MTSS2: variants seen among roughly 807,000 people sequenced by gnomAD.
MTSS2 encodes protein MTSS 2.
Under a neutral mutation model 67.1 loss-of-function variants are expected in MTSS2, and 27 were observed. That is an observed-to-expected ratio of 0.40 (90% CI 0.30 to 0.55). MTSS2 has a LOEUF of 0.55. Among genes scored for constraint, MTSS2 ranks in the 20% least tolerant of loss-of-function variants. MTSS2 has a pLI of 0.43. For synonymous variants in MTSS2, 624 were observed against 468.6 expected (o/e 1.33, Z -4.28); for missense variants, 1,171 against 1,067.8 (o/e 1.10, Z -1.35).
At chr16:70,672,604 C>CAA (rs2052977794) in intron 11 of MTSS2, among the ~76,000 whole-genome samples, 1 of 136,378 alleles carries the variant, frequency 7.3e-6, no homozygotes, top group Non-Finnish European at 1.6e-5. Context: ...AACTTTTCTA[C>CAA]AAGTCTAAAA....
intron 11 of MTSS2, among the ~76,000 whole-genome samples, chr16:70,672,339 T>G (rs1275762287): frequency 2.3e-5 from 1 of 42,676 alleles, no homozygotes; most frequent in Non-Finnish European, 5.5e-5. Flanking sequence ...AAGAGCAAAA[T>G]TCAAAAAAAA....
At position 70,664,113 on chromosome 16, in the gene MTSS2, C is replaced by T. The variant is rs1298210304; in HGVS notation, c.1808G>A (p.Gly603Asp). 5 of 1,611,708 alleles carry T rather than the reference C, an allele frequency of 3.1e-6. No homozygotes were observed. The highest frequency in any genetic ancestry group is 4.2e-6 in the Non-Finnish European group (5 of 1,179,704). ...GCCCGCCCGTGTGGGCCCCATGTAGCCGGGGGAGTCAGGCACCGTGGGCGT... is the reference window on the plus strand; with the variant it reads ...GCCCGCCCGTGTGGGCCCCATGTAGTCGGGGGAGTCAGGCACCGTGGGCGT... The part of the protein sequence containing the change: ...VKTPTVPDSP[G>D]YMGPTRAGSE... Residue 603 changes from glycine (G) to aspartate (D), a missense_variant, in exon 15 of 15, where the codon GGC becomes GAC. Gly to Asp is a moderately conservative substitution (Grantham distance 94). Around this residue, in one of 2 missense-constraint regions of MTSS2, gnomAD observed 924 missense variants for 756.0 expected, o/e 1.22. Transcript: ENST00000338779.
chr16:70,672,596 CT>C (rs1254162540), intron 11 of MTSS2, among the ~76,000 whole-genome samples: 1 of 147,730 alleles, frequency 6.8e-6, no homozygotes, highest in African/African-American at 2.5e-5. Context: ...TATTTTACAA[CT>C]TTTCTACAAG....
At position 70,661,626 on chromosome 16, in the gene MTSS2, TCGACG is replaced by T. The variant is rs1297228235; in HGVS notation, c.*2046_*2050del. ...GTGGGCCTATGAGGTGGTTGCTAAG[TCGACG>T]CAAGGGCGGCGGGGGTGGTCTCAGG... On this transcript the variant is annotated 3_prime_UTR_variant, in exon 15 of 15. Transcript: ENST00000338779. 2.9e-6 allele frequency: 1 copy of T among 339,982 alleles called. No homozygotes were observed. The allele number at this position is 339,982 out of a possible 1,614,324, so 21.1% of individuals were successfully genotyped here.
At chr16:70,684,737 G>A (rs1020508574) in intron 1 of MTSS2, among the ~76,000 whole-genome samples, 1 of 152,208 alleles carries the variant, frequency 6.6e-6, no homozygotes, top group African/African-American at 2.4e-5. Flanking sequence ...AAGGGGGCAC[G>A]GCAGGAGGGC....
chr16:70,668,948 A>T (rs907976386), intron 11 of MTSS2, among the ~76,000 whole-genome samples: 1 of 151,944 alleles, frequency 6.6e-6, no homozygotes, highest in Non-Finnish European at 1.5e-5. Flanking sequence ...TTTTTTTTCA[A>T]TACACTGTTC....
chr16:70,679,424 G>A lies in MTSS2; in HGVS notation c.458-101C>T. The A allele has an allele frequency of 2.7e-6, 4 of 1,458,558 alleles. No individual in the cohort carries two copies. In the Admixed American group the frequency reaches 7.0e-5, roughly 26 times the overall value. The allele number at this position is 1,458,558 out of a possible 1,614,324, so 90.4% of individuals were successfully genotyped here. A position where few individuals can be genotyped will look rare whatever the true frequency, so the allele number is the denominator to read the frequency against. On this transcript the variant is annotated intron_variant, in intron 6 of 14. Coordinates refer to ENST00000338779, the MANE Select transcript of MTSS2 (RefSeq NM_138383.3). ...GCCACTCCTGGGGCGGGGGTGCCTGGGCCTCCTGCTGCCTCCCATAGGGAG... is the reference window on the plus strand; with the variant it reads ...GCCACTCCTGGGGCGGGGGTGCCTGAGCCTCCTGCTGCCTCCCATAGGGAG...
intron 2 of MTSS2, 41 bp from the exon 3 acceptor site, chr16:70,680,908 C>CGGGGGTGGGGGG: frequency 8.5e-7 from 1 of 1,174,312 alleles, no homozygotes. Flanking sequence ...GGTGGTTGGG[C>CGGGGGTGGGGGG]GGGGGGGGGG....
At chr16:70,684,856 C>G (rs548047924) in intron 1 of MTSS2, among the ~76,000 whole-genome samples, 1 of 152,296 alleles carries the variant, frequency 6.6e-6, no homozygotes, top group South Asian at 2.1e-4. Context: ...GAGAGGAACC[C>G]ACTAATTTTC....
At chr16:70,666,124 C>G (rs908891857) in intron 11 of MTSS2, among the ~76,000 whole-genome samples, 1 of 152,132 alleles carries the variant, frequency 6.6e-6, no homozygotes, top group Non-Finnish European at 1.5e-5. Flanking sequence ...GGGCCAGGCC[C>G]GTGGCTGCTG....
In MTSS2 at chr16:70,662,927, C is replaced by T. The variant is rs2052541522; in HGVS notation, c.*750G>A. On this transcript the variant is annotated 3_prime_UTR_variant, in exon 15 of 15. Coordinates refer to ENST00000338779, the MANE Select transcript of MTSS2 (RefSeq NM_138383.3). ...CCCCAGGGCCTCCGGCCTCCTAACC[C>T]TGCTGCCCTAGTTTCCAAAGAGCTG... 6.6e-6 allele frequency: 1 copy of T among 152,472 alleles called. No homozygotes were observed. The allele number at this position is 152,472 out of a possible 1,614,324, so 9.4% of individuals were successfully genotyped here. A position where few individuals can be genotyped will look rare whatever the true frequency, so the allele number is the denominator to read the frequency against.
chr16:70,679,581 G>C (rs752464245), intron 6 of MTSS2, 49 bp downstream of exon 6: 2 of 1,538,448 alleles, frequency 1.3e-6, no homozygotes, highest in Non-Finnish European at 1.8e-6. Flanking sequence ...CGGTGGGGCT[G>C]TGGAGCGGGG....
intron 11 of MTSS2, among the ~76,000 whole-genome samples, chr16:70,670,676 G>A (rs1311469277): frequency 3.9e-5 from 6 of 152,008 alleles, no homozygotes; most frequent in Non-Finnish European, 8.8e-5. Context: ...CATGTAGAAA[G>A]GATAAAAAGG....
chr16:70,680,918 G>GGGGGGGGGGGGGGGCCCCC, intron 2 of MTSS2, 46 bp downstream of exon 2: 1 of 1,097,846 alleles, frequency 9.1e-7, no homozygotes, highest in Non-Finnish European at 1.3e-6. Context: ...CGGGGGGGGG[G>GGGGGGGGGGGGGGGCCCCC]CCTCTGCCTG....
Position 70,663,391 on chromosome 16 carries a change from T to A in MTSS2, c.*286A>T, listed in dbSNP as rs546917551. On this transcript the variant is annotated 3_prime_UTR_variant, in exon 15 of 15. Transcript: ENST00000338779. The stretch of plus-strand genomic sequence containing the variant: ...CGGCCCTGGCTCTGGTGCTTATGGG[T>A]AGGGAAGAGGCAGGGCCCCAGAGGA... The A allele has an allele frequency of 4.4e-5, 20 of 459,396 alleles. 1 individual carries two copies. The South Asian group carries it at 6.8e-4, about 16-fold the overall frequency. 28.5% of individuals were successfully genotyped at this position (459,396 alleles called of 1,614,324 possible). A position where few individuals can be genotyped will look rare whatever the true frequency, so the allele number is the denominator to read the frequency against.
In MTSS2 at chr16:70,664,708, C is replaced by T. The variant is rs768210602; in HGVS notation, c.1361G>A (p.Gly454Asp). ...ASDLAMVLTR[G>D]LSLEHQKSSR... is the part of the protein sequence containing the mutation. ...GCTCTTCTGGTGCTCCAGGCTCAGGCCCCGCGTCAGCACCATGGCCAGGTC... is the reference window on the plus strand; with the variant it reads ...GCTCTTCTGGTGCTCCAGGCTCAGGTCCCGCGTCAGCACCATGGCCAGGTC... The change falls in exon 14 of 15, where the codon GGC becomes GAC. Residue 454 changes from glycine (G) to aspartate (D), a missense_variant. This residue lies in a region of MTSS2 where 924 missense variants were observed against 756.0 expected (regional missense o/e 1.22). Coordinates refer to ENST00000338779, the MANE Select transcript of MTSS2 (RefSeq NM_138383.3). 1 of 1,612,940 alleles carries T rather than the reference C, an allele frequency of 6.2e-7. No individual in the cohort carries two copies. Among genetic ancestry groups the T allele is most frequent in the Non-Finnish European group, 8.5e-7 (1 of 1,179,818 alleles).
intron 10 of MTSS2, among the ~76,000 whole-genome samples, chr16:70,675,658 C>T (rs1239714949): frequency 2.6e-5 from 4 of 152,150 alleles, no homozygotes; most frequent in Admixed American, 6.5e-5. Flanking sequence ...CCTCGTGATC[C>T]GCCTGCCTCG....
At chr16:70,676,803 T>G in intron 10 of MTSS2, 78 bp downstream of exon 10, 1 of 1,269,490 alleles carries the variant, frequency 7.9e-7, no homozygotes, top group Non-Finnish European at 1.1e-6. Flanking sequence ...CAATTTCTGA[T>G]GCAATTTTGC....
chr16:70,678,676 T>C (rs1597822489), intron 7 of MTSS2, among the ~76,000 whole-genome samples: 1 of 152,226 alleles, frequency 6.6e-6, no homozygotes, highest in Non-Finnish European at 1.5e-5. Context: ...GGGGAGGCTC[T>C]TGGCGCCCAG....
Sources: gnomAD v4.1 joint callset for allele counts (sites outside exome capture counted in the v4.1 genomes callset) on GRCh38, gnomAD v4.1.1 for gene constraint, gnomAD v4.1.1 regional missense constraint, MANE v1.5 for transcripts, NCBI Gene and HGNC (gene_info 2026-07-23, HGNC 2026-07-21) for gene names.